GPHN: variants seen among roughly 807,000 people sequenced by gnomAD.
GPHN encodes gephyrin.
Under a neutral mutation model 95.5 loss-of-function variants are expected in GPHN, and 17 were observed. The ratio of observed to expected loss-of-function variants is 0.18; its 90% CI spans 0.12 to 0.27. The LOEUF is 0.27. Ranked by LOEUF, GPHN falls within the 10% of genes least tolerant of loss-of-function variation. GPHN has a pLI of 1.00. For missense variants in GPHN, 660 were observed against 978.1 expected, an observed-to-expected ratio of 0.67 and a Z score of 4.34; for synonymous variants, 320 against 322.5, an observed-to-expected ratio of 0.99 and a Z score of 0.08.
chr14:66,828,676 A>T (rs528479021), intron 4 of GPHN, among the ~76,000 whole-genome samples: 1 of 152,256 alleles, frequency 6.6e-6, no homozygotes, highest in African/African-American at 2.4e-5. Flanking sequence ...AAAATGAAGG[A>T]TGAAAATGAT....
chr14:67,725,639 C>T, the GPHN span, among the ~76,000 whole-genome samples: 3 of 152,198 alleles, frequency 2.0e-5, no homozygotes, highest in East Asian at 3.8e-4. Context: ...GCTTCTACCA[C>T]GGACTATGAA....
intron 6 of GPHN, among the ~76,000 whole-genome samples, chr14:66,919,453 A>G (rs1326279909): frequency 6.6e-6 from 1 of 152,200 alleles, no homozygotes; most frequent in Admixed American, 6.5e-5. Flanking sequence ...GGGTCACCGA[A>G]GCCCAAACGG....
the GPHN span, among the ~76,000 whole-genome samples, chr14:67,704,571 TA>T: frequency 6.6e-6 from 1 of 152,192 alleles, no homozygotes; most frequent in Non-Finnish European, 1.5e-5. Flanking sequence ...TGGTAAGTAT[TA>T]TACCTAAAAC....
chr14:67,121,540 T>A (rs1209458660), intron 16 of GPHN, among the ~76,000 whole-genome samples: 1 of 152,302 alleles, frequency 6.6e-6, no homozygotes, highest in Middle Eastern at 3.4e-3. Flanking sequence ...CAACTTGAAT[T>A]TGAACCCTGT....
At chr14:67,451,672 T>C in the GPHN span, among the ~76,000 whole-genome samples, 1 of 152,260 alleles carries the variant, frequency 6.6e-6, no homozygotes, top group African/African-American at 2.4e-5. Flanking sequence ...ACCCCCATTG[T>C]ATCTAGGAAG....
chr14:66,737,178 T>C (rs2072370678), intron 2 of GPHN, among the ~76,000 whole-genome samples: 1 of 152,218 alleles, frequency 6.6e-6, no homozygotes, highest in Non-Finnish European at 1.5e-5. Flanking sequence ...TTTCTACATA[T>C]ACTTTTTGTG....
At chr14:66,894,033 C>CAA (rs550665824) in intron 5 of GPHN, among the ~76,000 whole-genome samples, 1 of 152,058 alleles carries the variant, frequency 6.6e-6, no homozygotes, top group Non-Finnish European at 1.5e-5. Flanking sequence ...CATATGGAAC[C>CAA]AAAAAACAGC....
intron 19 of GPHN, among the ~76,000 whole-genome samples, chr14:67,163,149 A>T (rs1206907517): frequency 1.3e-5 from 2 of 151,554 alleles, no homozygotes; most frequent in Non-Finnish European, 2.9e-5. Context: ...TATTAAAAAT[A>T]AAAAAAATTA....
the GPHN span, chr14:67,200,255 C>A: frequency 3.4e-6 from 3 of 869,910 alleles, no homozygotes; most frequent in African/African-American, 3.5e-5. Flanking sequence ...ACCAGCCTCT[C>A]CCTCCAACCA....
At chr14:67,363,093 T>G in the GPHN span, among the ~76,000 whole-genome samples, 2 of 152,176 alleles carry the variant, frequency 1.3e-5, no homozygotes, top group Non-Finnish European at 2.9e-5. Context: ...GTCAAATGTC[T>G]TGCAACTGTT....
At chr14:67,715,565 A>T in the GPHN span, among the ~76,000 whole-genome samples, 1 of 152,146 alleles carries the variant, frequency 6.6e-6, no homozygotes, top group Non-Finnish European at 1.5e-5. Flanking sequence ...TCTTTTATTT[A>T]AAAAAATTTC....
chr14:67,287,694 C>G, the GPHN span, among the ~76,000 whole-genome samples: 1 of 152,046 alleles, frequency 6.6e-6, no homozygotes, highest in Non-Finnish European at 1.5e-5. Context: ...TAATTTTATC[C>G]TAGAAATTTA....
the GPHN span, among the ~76,000 whole-genome samples, chr14:67,539,140 A>G: frequency 5.9e-5 from 9 of 152,248 alleles, no homozygotes; most frequent in East Asian, 9.7e-4. Flanking sequence ...CACTTTTCCT[A>G]TTTATACAAG....
the GPHN span, chr14:67,533,255 A>C: frequency 2.0e-5 from 3 of 151,790 alleles, no homozygotes; most frequent in Admixed American, 2.0e-4. Context: ...CCCGCCCCGC[A>C]GCCCACGACC....
chr14:67,165,094 C>G (rs2082198629), intron 19 of GPHN, 68 bp from the exon 20 acceptor site: 2 of 1,041,006 alleles, frequency 1.9e-6, no homozygotes, highest in Admixed American at 1.7e-5. Flanking sequence ...TACAAAAACA[C>G]TGGAGTACTT....
the GPHN span, among the ~76,000 whole-genome samples, chr14:67,386,759 C>T: frequency 6.6e-6 from 1 of 152,222 alleles, no homozygotes; most frequent in Admixed American, 6.5e-5. Flanking sequence ...CCGACAGAGT[C>T]CATGACTTCT....
intron 2 of GPHN, among the ~76,000 whole-genome samples, chr14:66,757,265 T>C (rs1036932252): frequency 6.6e-6 from 1 of 152,212 alleles, no homozygotes; most frequent in African/African-American, 2.4e-5. Context: ...CAAAAGTATA[T>C]GTAAACCTTA....
At chr14:66,805,983 C>T (rs1193185190) in intron 3 of GPHN, among the ~76,000 whole-genome samples, 1 of 152,218 alleles carries the variant, frequency 6.6e-6, no homozygotes, top group Non-Finnish European at 1.5e-5. Flanking sequence ...TTCTCTTCTG[C>T]ACTGCCCTAG....
chr14:67,195,404 A>G, the GPHN span, among the ~76,000 whole-genome samples: 38 of 152,108 alleles, frequency 2.5e-4, no homozygotes, highest in Non-Finnish European at 4.6e-4. Context: ...CTCAGATGCA[A>G]GGGATTCTGG....
Sources: gnomAD v4.1 joint callset for allele counts (sites outside exome capture counted in the v4.1 genomes callset) on GRCh38, gnomAD v4.1.1 for gene constraint, MANE v1.5 for transcripts, NCBI Gene and HGNC (gene_info 2026-07-23, HGNC 2026-07-21) for gene names.